Variants in LRMDA observed in about 807,000 individuals in gnomAD.
The protein encoded by LRMDA is leucine-rich melanocyte differentiation-associated protein.
A neutral mutation model predicts 29.8 loss-of-function variants in LRMDA; 18 were observed. The observed-to-expected ratio is 0.60, with a 90% CI of 0.42 to 0.90. The LOEUF (loss-of-function observed/expected upper bound fraction) is 0.90, where lower values mean the gene tolerates loss of function less well. LRMDA is among the 40% of genes least tolerant of loss of function. LRMDA has a pLI of 0.00. For missense variants in LRMDA, 273 were observed against 273.9 expected, an observed-to-expected ratio of 1.00 and a Z score of 0.02; for synonymous variants, 125 against 109.4, an observed-to-expected ratio of 1.14 and a Z score of -0.89.
intron 2 of LRMDA, among the ~76,000 whole-genome samples, chr10:75,766,558 C>CT (rs957557378): frequency 2.6e-5 from 4 of 151,972 alleles, no homozygotes; most frequent in African/African-American, 4.8e-5. Flanking sequence ...GCATGCTGTT[C>CT]TTTTTTTCTT....
chr10:75,750,937 C>A (rs1842959089), intron 2 of LRMDA, among the ~76,000 whole-genome samples: 2 of 152,246 alleles, frequency 1.3e-5, no homozygotes, highest in African/African-American at 4.8e-5. Context: ...AGGCTGCAAT[C>A]TCTGCACTTT....
At chr10:75,533,781 G>A (rs1845506082) in intron 2 of LRMDA, among the ~76,000 whole-genome samples, 1 of 152,082 alleles carries the variant, frequency 6.6e-6, no homozygotes, top group Non-Finnish European at 1.5e-5. Flanking sequence ...AGGATGAGAG[G>A]AGAGAGAGAG....
chr10:76,158,119 G>C (rs1268093053), intron 5 of LRMDA, among the ~76,000 whole-genome samples: 4 of 152,040 alleles, frequency 2.6e-5, no homozygotes, highest in East Asian at 1.9e-4. Flanking sequence ...CCTTTTCTAT[G>C]ATGGCCTCAG....
At chr10:75,955,382 T>A (rs1465023406) in intron 2 of LRMDA, among the ~76,000 whole-genome samples, 3 of 152,214 alleles carry the variant, frequency 2.0e-5, no homozygotes, top group Admixed American at 2.0e-4. Context: ...GCCTCTGGGC[T>A]CTCACCTGGA....
At chr10:75,497,993 CA>C (rs1364885022) in intron 2 of LRMDA, among the ~76,000 whole-genome samples, 1 of 152,188 alleles carries the variant, frequency 6.6e-6, no homozygotes, top group African/African-American at 2.4e-5. Flanking sequence ...CAGTTTTCCC[CA>C]AAGCGGCTGT....
chr10:76,503,525 G>A (rs1485592812), intron 6 of LRMDA, among the ~76,000 whole-genome samples: 3 of 151,012 alleles, frequency 2.0e-5, no homozygotes, highest in Non-Finnish European at 4.4e-5. Flanking sequence ...GTTCCGTTCA[G>A]GTTTTCACTT....
At chr10:76,144,463 G>A (rs1047782503) in intron 5 of LRMDA, among the ~76,000 whole-genome samples, 3 of 152,196 alleles carry the variant, frequency 2.0e-5, no homozygotes, top group African/African-American at 4.8e-5. Context: ...AATTGTGAAT[G>A]GGAGTTCACT....
chr10:75,948,569 T>TA (rs1236101001), intron 2 of LRMDA, among the ~76,000 whole-genome samples: 1 of 152,132 alleles, frequency 6.6e-6, no homozygotes, highest in Non-Finnish European at 1.5e-5. Flanking sequence ...CCGACCAAGG[T>TA]AAAATAGATG....
At chr10:76,345,094 T>G (rs1247958901) in intron 6 of LRMDA, among the ~76,000 whole-genome samples, 1 of 111,736 alleles carries the variant, frequency 8.9e-6, no homozygotes, top group Non-Finnish European at 1.7e-5. Context: ...TGAGACGGAG[T>G]CTCGCTCTGT....
chr10:76,192,011 G>C (rs755617140), intron 5 of LRMDA, among the ~76,000 whole-genome samples: 2 of 152,116 alleles, frequency 1.3e-5, no homozygotes, highest in Non-Finnish European at 2.9e-5. Flanking sequence ...TCTCGCGTGC[G>C]GTATGCCTGT....
chr10:76,104,182 C>T (rs1849442202), intron 5 of LRMDA, among the ~76,000 whole-genome samples: 1 of 152,022 alleles, frequency 6.6e-6, no homozygotes, highest in Admixed American at 6.6e-5. Flanking sequence ...CTGTCTACCA[C>T]TAGAATGCAA....
At chr10:76,337,250 A>G (rs968535958) in intron 6 of LRMDA, among the ~76,000 whole-genome samples, 1 of 151,874 alleles carries the variant, frequency 6.6e-6, no homozygotes, top group Non-Finnish European at 1.5e-5. Flanking sequence ...GTGGGCAAAC[A>G]TTTCTGCCTT....
At chr10:76,491,861 A>AT (rs1466448241) in intron 6 of LRMDA, among the ~76,000 whole-genome samples, 1 of 151,686 alleles carries the variant, frequency 6.6e-6, no homozygotes, top group East Asian at 2.0e-4. Context: ...GTGCTTCATT[A>AT]TTTTTTATTC....
At chr10:76,180,802 T>G (rs1851034280) in intron 5 of LRMDA, among the ~76,000 whole-genome samples, 2 of 152,212 alleles carry the variant, frequency 1.3e-5, no homozygotes, top group South Asian at 4.1e-4. Context: ...GTTATGGCTA[T>G]GTATCTTATT....
intron 2 of LRMDA, among the ~76,000 whole-genome samples, chr10:75,858,664 G>A (rs1844868873): frequency 6.6e-6 from 1 of 152,100 alleles, no homozygotes; most frequent in Admixed American, 6.6e-5. Flanking sequence ...CATTCATCTG[G>A]TTTGCTTGTT....
chr10:76,075,345 G>C (rs762221032), intron 5 of LRMDA, among the ~76,000 whole-genome samples: 2 of 152,214 alleles, frequency 1.3e-5, no homozygotes, highest in Non-Finnish European at 2.9e-5. Context: ...CATGCACAGA[G>C]AGATGACCAA....
At position 75,491,840 on chromosome 10, in the gene LRMDA, A is replaced by G. The variant is rs1007733067; in HGVS notation, c.131+53346A>G. ...CTCTTTCTTAATTTCAAGATGGGAA[A>G]CTCCTTCATCTTATAAAACTCCGTG... On this transcript the variant is annotated intron_variant, in intron 2 of 6. Coordinates refer to ENST00000611255, the MANE Select transcript of LRMDA (RefSeq NM_001305581.2). 4.9e-4 allele frequency among the ~76,000 whole-genome samples: 74 copies of G among 152,180 alleles called. 1 individual carries two copies. Among genetic ancestry groups the G allele is most frequent in the African/African-American group, 1.7e-3 (72 of 41,508 alleles).
intron 2 of LRMDA, among the ~76,000 whole-genome samples, chr10:75,576,396 C>T (rs1039473849): frequency 1.3e-5 from 2 of 152,232 alleles, no homozygotes; most frequent in East Asian, 3.9e-4. Context: ...AAAACCCCCA[C>T]CTCCCTGCAA....
chr10:76,142,981 G>A (rs1850234892), intron 5 of LRMDA, among the ~76,000 whole-genome samples: 1 of 151,932 alleles, frequency 6.6e-6, no homozygotes, highest in South Asian at 2.1e-4. Context: ...TGAGAATGAT[G>A]GTTTCCAGTT....
Sources: allele counts gnomAD v4.1 joint callset (sites outside exome capture counted in the v4.1 genomes callset), GRCh38; gene constraint gnomAD v4.1.1; transcripts MANE v1.5; gene names NCBI Gene and HGNC (gene_info 2026-07-23, HGNC 2026-07-21).